Variants in JUP observed in about 807,000 individuals in gnomAD.
JUP encodes the protein junction plakoglobin, also known as catenin (cadherin-associated protein), gamma 80kDa.
A neutral mutation model predicts 71.1 loss-of-function variants in JUP; 28 were observed. The observed-to-expected ratio is 0.39, with a 90% CI of 0.29 to 0.54. The LOEUF (loss-of-function observed/expected upper bound fraction) is 0.54. Among genes scored for constraint, JUP ranks in the 20% least tolerant of loss-of-function variants. JUP has a pLI of 0.62. For synonymous variants in JUP, 401 were observed against 438.9 expected (o/e 0.91, Z 1.08); for missense variants, 869 against 1,030.1 (o/e 0.84, Z 2.14).
In JUP at chr17:41,755,629, C is replaced by T; in HGVS notation, c.*115G>A. On this transcript the variant is annotated 3_prime_UTR_variant, in exon 14 of 14. Transcript: ENST00000393931. ...TTGGGGAAGCTCAGCAGCAAAGGATCCCCCCAAAAAAGGAGCGCAGGTTTC... is the reference window on the plus strand; with the variant it reads ...TTGGGGAAGCTCAGCAGCAAAGGATTCCCCCAAAAAAGGAGCGCAGGTTTC... 2.9e-6 allele frequency: 3 copies of T among 1,040,938 alleles called. No homozygotes were observed. The highest frequency in any genetic ancestry group is 2.7e-5 in the Admixed American group (1 of 36,414). 64.5% of individuals were successfully genotyped at this position (1,040,938 alleles called of 1,614,324 possible). A position where few individuals can be genotyped will look rare whatever the true frequency, so the allele number is the denominator to read the frequency against.
intron 1 of JUP, among the ~76,000 whole-genome samples, chr17:41,783,890 T>A: frequency 1.3e-5 from 1 of 76,228 alleles, no homozygotes; most frequent in African/African-American, 8.2e-5. Flanking sequence ...CGAGACTCCA[T>A]CTCAAAAAAA....
At chr17:41,761,505 C>T (rs4290524) in intron 8 of JUP, among the ~76,000 whole-genome samples, 92,260 of 151,922 alleles carry the variant, frequency 0.61, 29,495 homozygotes, top group Non-Finnish European at 0.73. Context: ...GCAGCACCTG[C>T]GAGCTTGTTA....
chr17:41,755,701 A>C lies in JUP; in HGVS notation c.*43T>G. The C allele has an allele frequency of 6.6e-7, 1 of 1,513,348 alleles. No homozygotes were observed. The highest frequency in any genetic ancestry group is 8.9e-7 in the Non-Finnish European group (1 of 1,129,300). The allele number at this position is 1,513,348 out of a possible 1,614,324, so 93.7% of individuals were successfully genotyped here. Reference sequence around the variant, plus strand: ...CCAACAGAAGGAGGTTCTAGAGAGGAGGAAAAGCCTGCAAAGAGGGGGCCG... The same window carrying C: ...CCAACAGAAGGAGGTTCTAGAGAGGCGGAAAAGCCTGCAAAGAGGGGGCCG... On this transcript the variant is annotated 3_prime_UTR_variant, in exon 14 of 14. Transcript: ENST00000393931.
intron 1 of JUP, among the ~76,000 whole-genome samples, chr17:41,781,430 ATGC>A (rs1164262378): frequency 6.6e-6 from 1 of 152,212 alleles, no homozygotes; most frequent in East Asian, 1.9e-4. Flanking sequence ...AAAGGCCAAG[ATGC>A]CAGGAGGCTG....
chr17:41,770,635 A>G (rs1916503868), intron 2 of JUP, among the ~76,000 whole-genome samples: 1 of 152,154 alleles, frequency 6.6e-6, no homozygotes, highest in Non-Finnish European at 1.5e-5. Context: ...CCCAGCACCC[A>G]CAGCCCACCC....
At chr17:41,771,609 G>T in intron 2 of JUP, 38 bp downstream of exon 2, 1 of 1,596,612 alleles carries the variant, frequency 6.3e-7, no homozygotes, top group Non-Finnish European at 8.6e-7. Context: ...ACCCAGGCAG[G>T]TTTTCTGCCC....
At chr17:41,778,115 C>A (rs2046972073) in intron 1 of JUP, among the ~76,000 whole-genome samples, 1 of 152,200 alleles carries the variant, frequency 6.6e-6, no homozygotes, top group Admixed American at 6.5e-5. Context: ...GCCCACTTCT[C>A]AATAACAGCA....
intron 9 of JUP, 21 bp from the exon 10 acceptor site, chr17:41,758,539 G>A (rs782479356): frequency 1.2e-6 from 2 of 1,603,476 alleles, no homozygotes; most frequent in Non-Finnish European, 1.7e-6. Context: ...GGAGGCAGGG[G>A]GCATGGGACA....
At chr17:41,783,645 G>C (rs73305733) in intron 1 of JUP, among the ~76,000 whole-genome samples, 35,305 of 151,866 alleles carry the variant, frequency 0.23, 4,597 homozygotes, top group East Asian at 0.5. Context: ...TTTGGGCCAG[G>C]TGAGGTGGCT....
At chr17:41,765,965 C>T (rs7207723) in intron 5 of JUP, among the ~76,000 whole-genome samples, 4,086 of 152,272 alleles carry the variant, frequency 0.027, 189 homozygotes, top group African/African-American at 0.091. Context: ...TAATGAAATG[C>T]TATCTGTAGG....
Position 41,768,575 on chromosome 17 carries a change from G to A in JUP, c.707+394C>T, listed in dbSNP as rs573580784. ...AGGCCTCATCTCAAAAAAAAAAAAA[G>A]AAATGAGGCCAATCCACATTTTGTA... is the stretch of plus-strand genomic sequence containing the variant. On this transcript the variant is annotated intron_variant, in intron 4 of 13. Coordinates refer to ENST00000393931, the MANE Select transcript of JUP (RefSeq NM_002230.4). 9.0e-3 allele frequency among the ~76,000 whole-genome samples: 1,365 copies of A among 151,120 alleles called. 13 individuals carry two copies. The highest frequency in any genetic ancestry group is 0.027 in the South Asian group (131 of 4,766).
At chr17:41,764,635 C>T in intron 7 of JUP, 78 bp downstream of exon 7, 2 of 1,149,024 alleles carry the variant, frequency 1.7e-6, no homozygotes, top group Admixed American at 1.7e-5. Context: ...TCCCACAGTA[C>T]CTCAGGTCAG....
intron 12 of JUP, 120 bp from the exon 13 acceptor site, chr17:41,756,334 T>TCACGCCTGTAATCCCAGCA (rs1913739172): frequency 1.1e-6 from 1 of 940,458 alleles, no homozygotes; most frequent in African/African-American, 1.6e-5. Context: ...GTGCCATGGC[T>TCACGCCTGTAATCCCAGCA]CACGCCTGTA....
intron 12 of JUP, among the ~76,000 whole-genome samples, chr17:41,756,568 C>T (rs1273850675): frequency 1.1e-4 from 17 of 151,628 alleles, no homozygotes; most frequent in Admixed American, 1.1e-3. Context: ...CATTGCACTC[C>T]AGCCTGGGCG....
chr17:41,771,546 C>T, intron 2 of JUP, 101 bp downstream of exon 2: 1 of 1,106,550 alleles, frequency 9.0e-7, no homozygotes, highest in Non-Finnish European at 1.4e-6. Context: ...CCTCCTCCCT[C>T]AGACCAGAGA....
chr17:41,764,734 G>C lies in JUP; in HGVS notation c.1137C>G (p.Leu379=). The C allele has an allele frequency of 1.2e-6, 2 of 1,613,068 alleles. No individual in the cohort carries two copies. The highest frequency in any genetic ancestry group is 1.7e-6 in the Non-Finnish European group (2 of 1,179,988). The change falls in exon 7 of 14, where the codon CTC becomes CTG. Residue 379 remains leucine (L), a synonymous_variant. Transcript: ENST00000393931. The stretch of plus-strand genomic sequence containing the variant: ...TCACCTGCTTGGTGGCCACATCTGA[G>C]AGGTTGCGCAGGGTCCACAGGCAGT... The part of the protein sequence containing the change: ...VQNCLWTLRN[L]SDVATKQEGL...
intron 1 of JUP, among the ~76,000 whole-genome samples, chr17:41,779,150 C>A (rs1469672521): frequency 1.3e-5 from 2 of 149,308 alleles, no homozygotes; most frequent in African/African-American, 4.9e-5. Flanking sequence ...GCAGGAGAAT[C>A]GCTTGAAACC....
rs1160144383 is a variant in JUP, at chr17:41,769,382, TGCCC to T, written c.468+32_468+35del. The T allele has an allele frequency of 1.9e-6, 3 of 1,592,854 alleles. No individual in the cohort carries two copies. The African/African-American group carries it at 4.0e-5, about 21-fold the overall frequency. On this transcript the variant is annotated intron_variant, in intron 3 of 13. Transcript: ENST00000393931. ...GAGGACATCTGCTCTCTCCCCTCCC[TGCCC>T]AGCCCCCACCCTAGCAGGGACCCTC...
At chr17:41,777,085 T>C (rs538963819) in intron 1 of JUP, among the ~76,000 whole-genome samples, 11 of 152,342 alleles carry the variant, frequency 7.2e-5, no homozygotes, top group Admixed American at 7.2e-4. Flanking sequence ...GATGGCAGTC[T>C]GTCTGGGGGA....
Sources: gnomAD v4.1 joint callset for allele counts (sites outside exome capture counted in the v4.1 genomes callset) on GRCh38, gnomAD v4.1.1 for gene constraint, MANE v1.5 for transcripts, NCBI Gene and HGNC (gene_info 2026-07-23, HGNC 2026-07-21) for gene names.